DNAAF1: variants seen among roughly 807,000 people sequenced by gnomAD.
The protein encoded by DNAAF1 is dynein axonemal assembly factor 1.
In DNAAF1, 65 loss-of-function variants were observed where a neutral mutation model predicts 71.1. The ratio of observed to expected loss-of-function variants is 0.91; its 90% CI spans 0.75 to 1.12. The LOEUF is 1.12. DNAAF1 is among the 50% of genes most tolerant of loss of function. DNAAF1 has a pLI of 0.00. For synonymous variants in DNAAF1, 414 were observed against 354.6 expected, an observed-to-expected ratio of 1.17 and a Z score of -1.88; for missense variants, 1,178 against 899.8, an observed-to-expected ratio of 1.31 and a Z score of -3.96.
rs1567571028 is a variant in DNAAF1, at chr16:84,176,288, C to T, written c.2054C>T (p.Ala685Val). The T allele has an allele frequency of 1.2e-6, 2 of 1,613,394 alleles. No individual in the cohort carries two copies. Among genetic ancestry groups the T allele is most frequent in the Non-Finnish European group, 1.7e-6 (2 of 1,179,976 alleles). Residue 685 changes from alanine (A) to valine (V), a missense_variant, in exon 11 of 12, where the codon GCC becomes GTC. Transcript: ENST00000378553. ...GACAGGGACAGCGACTTCCTTGCAG[C>T]CTCTTCTCCGGGTAAGAGCGTGGGG... Reference protein sequence around the residue: ...SGDRDSDFLAASSPVPTESAA... With the variant: ...SGDRDSDFLAVSSPVPTESAA...
intron 3 of DNAAF1, among the ~76,000 whole-genome samples, chr16:84,154,140 C>A (rs1276075086): frequency 6.6e-6 from 1 of 152,118 alleles, no homozygotes; most frequent in African/African-American, 2.4e-5. Context: ...GTGTCTTAGT[C>A]CGTTTTGAGC....
chr16:84,150,594 G>A (rs559851113), intron 3 of DNAAF1, among the ~76,000 whole-genome samples: 1 of 150,962 alleles, frequency 6.6e-6, no homozygotes, highest in Admixed American at 6.6e-5. Context: ...TGTTTCCTAA[G>A]GAATTTTTTT....
chr16:84,156,898 G>C (rs2087464929), intron 5 of DNAAF1, among the ~76,000 whole-genome samples: 1 of 138,982 alleles, frequency 7.2e-6, no homozygotes, highest in Admixed American at 7.6e-5. Context: ...TGTCACCCAG[G>C]CTGGAGTGCA....
chr16:84,156,984 C>T (rs2151226671), intron 5 of DNAAF1, among the ~76,000 whole-genome samples: 1 of 151,674 alleles, frequency 6.6e-6, no homozygotes, highest in African/African-American at 2.4e-5. Flanking sequence ...TCACAAGTAG[C>T]TGGGAGCACA....
At chr16:84,148,964 A>G (rs773780457) in intron 1 of DNAAF1, 43 bp from the exon 2 acceptor site, 8 of 1,611,640 alleles carry the variant, frequency 5.0e-6, no homozygotes, top group African/African-American at 1.3e-5. Context: ...ATTTTTTGGC[A>G]TATATCTTGA....
chr16:84,177,815 G>A lies in DNAAF1; in HGVS notation c.2152G>A (p.Ala718Thr), dbSNP rs2088820398. ...AGCTCTGCCCACGTGGGACCTCACT[G>A]CATTCCCAGCACCGAAAGCATCATA... is the stretch of plus-strand genomic sequence containing the variant. ...SQALPTWDLT[A>T]FPAPKAS Residue 718 changes from alanine to threonine, a missense_variant, in exon 12 of 12, where the codon GCA becomes ACA. Ala to Thr is a moderately conservative substitution (Grantham distance 58). Coordinates refer to ENST00000378553, the MANE Select transcript of DNAAF1 (RefSeq NM_178452.6). 6.2e-7 allele frequency: 1 copy of A among 1,613,896 alleles called. No homozygotes were observed. The highest frequency in any genetic ancestry group is 8.5e-7 in the Non-Finnish European group (1 of 1,179,850).
intron 2 of DNAAF1, among the ~76,000 whole-genome samples, chr16:84,149,709 A>G (rs962058169): frequency 1.2e-4 from 17 of 138,168 alleles, no homozygotes; most frequent in East Asian, 2.2e-4. Context: ...AAAAAAAAAA[A>G]CATACATTGC....
chr16:84,167,275 C>A (rs972955219), intron 7 of DNAAF1, among the ~76,000 whole-genome samples: 2 of 152,108 alleles, frequency 1.3e-5, no homozygotes, highest in African/African-American at 4.8e-5. Context: ...AGGGGCGGAG[C>A]TTCATACCCT....
chr16:84,162,691 C>T (rs1282134236), intron 6 of DNAAF1, among the ~76,000 whole-genome samples: 2 of 151,936 alleles, frequency 1.3e-5, no homozygotes, highest in Non-Finnish European at 2.9e-5. Flanking sequence ...TGGTGGCGGG[C>T]GCCTGTAGTC....
Position 84,155,537 on chromosome 16 carries a change from C to A in DNAAF1, c.575-46C>A, listed in dbSNP as rs79278594. On this transcript the variant is annotated intron_variant, in intron 4 of 11. Coordinates refer to ENST00000378553, the MANE Select transcript of DNAAF1 (RefSeq NM_178452.6). Reference sequence around the variant, plus strand: ...GAACCACTGTGCCTGGCCCAAGAAGCATTTTTATGCCTTTGTTTTTGACTT... The same window carrying A: ...GAACCACTGTGCCTGGCCCAAGAAGAATTTTTATGCCTTTGTTTTTGACTT... 1,082 of 1,608,360 alleles carry A rather than the reference C, an allele frequency of 6.7e-4. 6 individuals are homozygous for A. The African/African-American group carries it at 0.013, about 19-fold the overall frequency.
chr16:84,159,298 C>G, intron 5 of DNAAF1: 1 of 1,058,748 alleles, frequency 9.4e-7, no homozygotes, highest in Non-Finnish European at 1.2e-6. Flanking sequence ...TGGATCCTGG[C>G]TGGGAAGAAA....
chr16:84,150,616 C>CTTTT (rs754336069), intron 3 of DNAAF1, among the ~76,000 whole-genome samples: 9 of 130,348 alleles, frequency 6.9e-5, no homozygotes, highest in African/African-American at 8.8e-5. Context: ...TCTTTTCTTT[C>CTTTT]TTTTTTTTTT....
chr16:84,167,500 C>G (rs935148141), intron 7 of DNAAF1, among the ~76,000 whole-genome samples: 1 of 152,164 alleles, frequency 6.6e-6, no homozygotes, highest in Admixed American at 6.5e-5. Context: ...CCACCCCACC[C>G]CCAAGAGCCG....
chr16:84,146,552 G>T (rs2151200076), intron 1 of DNAAF1, among the ~76,000 whole-genome samples: 1 of 152,136 alleles, frequency 6.6e-6, no homozygotes, highest in Non-Finnish European at 1.5e-5. Flanking sequence ...CCCTGTCTTT[G>T]CTAAAAACAC....
chr16:84,160,638 A>T (rs1251374996), intron 6 of DNAAF1, among the ~76,000 whole-genome samples: 1 of 152,230 alleles, frequency 6.6e-6, no homozygotes, highest in African/African-American at 2.4e-5. Context: ...CACTTTAGCC[A>T]GGTAAGAAAA....
chr16:84,169,313 T>A (rs2088197689), intron 7 of DNAAF1, among the ~76,000 whole-genome samples: 1 of 151,898 alleles, frequency 6.6e-6, no homozygotes, highest in South Asian at 2.1e-4. Context: ...TTTGAACTCC[T>A]GATGTCAAAT....
chr16:84,162,586 G>A (rs1296916428), intron 6 of DNAAF1, among the ~76,000 whole-genome samples: 2 of 151,816 alleles, frequency 1.3e-5, no homozygotes, highest in African/African-American at 2.4e-5. Context: ...TTTGGGAGGC[G>A]GGGGCGGGCA....
intron 7 of DNAAF1, among the ~76,000 whole-genome samples, chr16:84,169,523 G>T (rs1030461059): frequency 2.0e-5 from 3 of 151,992 alleles, no homozygotes; most frequent in Admixed American, 1.3e-4. Context: ...AGGTTCAAGC[G>T]ATTCTCCTGC....
intron 1 of DNAAF1, among the ~76,000 whole-genome samples, chr16:84,148,345 G>A (rs992200321): frequency 1.2e-4 from 18 of 151,960 alleles, no homozygotes; most frequent in African/African-American, 4.4e-4. Flanking sequence ...TAGTTCTAGT[G>A]CATTCTTCTC....
Sources: allele counts gnomAD v4.1 joint callset (sites outside exome capture counted in the v4.1 genomes callset), GRCh38; gene constraint gnomAD v4.1.1; transcripts MANE v1.5; gene names NCBI Gene and HGNC (gene_info 2026-07-23, HGNC 2026-07-21).